The following ASTN2 variants were observed in gnomAD, a reference collection of about 807,000 sequenced individuals.
ASTN2 encodes the protein astrotactin-2.
In ASTN2, 54 loss-of-function variants were observed where a neutral mutation model predicts 139.8. The observed-to-expected ratio is 0.39, with a 90% CI of 0.31 to 0.48. The LOEUF (loss-of-function observed/expected upper bound fraction) is 0.48. Among genes scored for constraint, ASTN2 ranks in the 20% least tolerant of loss-of-function variants. The pLI is 0.95. For synonymous variants in ASTN2, 756 were observed against 719.5 expected (o/e 1.05, Z -0.81); for missense variants, 1,565 against 1,725.1 (o/e 0.91, Z 1.64).
chr9:116,953,814 G>A (rs1490993499), intron 10 of ASTN2, among the ~76,000 whole-genome samples: 1 of 152,170 alleles, frequency 6.6e-6, no homozygotes, highest in African/African-American at 2.4e-5. Context: ...GAGCAGATAA[G>A]AGACTTGTCC....
chr9:116,595,593 G>A lies in ASTN2; in HGVS notation c.3355+22731C>T, dbSNP rs542707695. 3.3e-5 allele frequency among the ~76,000 whole-genome samples: 5 copies of A among 152,078 alleles called. No individual in the cohort carries two copies. The East Asian group carries it at 9.7e-4, about 30-fold the overall frequency. On this transcript the variant is annotated intron_variant, in intron 19 of 22. Transcript: ENST00000313400. ...GCCCACCTCAACCTCCCAAAGTGCT[G>A]GGATTATAGGCGTGAGCCACCGCGC...
At chr9:117,296,747 C>A (rs1350649257) in intron 1 of ASTN2, among the ~76,000 whole-genome samples, 1 of 152,172 alleles carries the variant, frequency 6.6e-6, no homozygotes, top group Non-Finnish European at 1.5e-5. Context: ...CCAGTGCCTG[C>A]CTCCCTCCCA....
At chr9:116,481,348 C>G (rs1346512401) in intron 20 of ASTN2, among the ~76,000 whole-genome samples, 1 of 152,082 alleles carries the variant, frequency 6.6e-6, no homozygotes, top group Non-Finnish European at 1.5e-5. Flanking sequence ...CCACTGCCCT[C>G]CAGAACCTCA....
At position 116,442,539 on chromosome 9, in the gene ASTN2, G is replaced by A; in HGVS notation, c.3512C>T (p.Ala1171Val). The A allele has an allele frequency of 2.5e-6, 4 of 1,614,150 alleles. No individual in the cohort carries two copies. The highest frequency in any genetic ancestry group is 3.4e-6 in the Non-Finnish European group (4 of 1,180,010). ...TGAGTGCCTCCCTCGTGTATCCACA[G>A]CATACAGAGTGAACCTGCAGCACAG... ...PDGLYKFTLYAVDTRGRHSEL... is the reference protein window; with the variant it reads ...PDGLYKFTLYVVDTRGRHSEL... Residue 1171 changes from alanine (A) to valine (V), a missense_variant, in exon 21 of 23, where the codon GCT becomes GTT. By Grantham distance (64) the Ala-to-Val change is moderately conservative (BLOSUM62 0). Transcript: ENST00000313400.
chr9:116,914,459 CTGAG>C (rs1195806630), intron 10 of ASTN2, among the ~76,000 whole-genome samples: 7 of 151,930 alleles, frequency 4.6e-5, no homozygotes, highest in Admixed American at 4.6e-4. Context: ...TCCTTGTTGA[CTGAG>C]TAATAATAAT....
At chr9:117,050,759 T>C (rs1408422194) in intron 5 of ASTN2, among the ~76,000 whole-genome samples, 1 of 152,116 alleles carries the variant, frequency 6.6e-6, no homozygotes, top group Non-Finnish European at 1.5e-5. Flanking sequence ...GGGGGCATTT[T>C]CACATCTCTG....
intron 19 of ASTN2, among the ~76,000 whole-genome samples, chr9:116,545,137 T>A (rs948573208): frequency 3.9e-5 from 6 of 152,188 alleles, no homozygotes; most frequent in African/African-American, 1.4e-4. Context: ...TGCCCAGATG[T>A]GCCAATGCAG....
intron 13 of ASTN2, among the ~76,000 whole-genome samples, chr9:116,795,837 C>T (rs895850303): frequency 6.6e-6 from 1 of 152,162 alleles, no homozygotes; most frequent in Non-Finnish European, 1.5e-5. Flanking sequence ...TAAATCCTTG[C>T]CAAAGCTCTT....
chr9:116,622,108 T>C (rs980451497), intron 17 of ASTN2, among the ~76,000 whole-genome samples: 2 of 152,228 alleles, frequency 1.3e-5, no homozygotes, highest in Non-Finnish European at 2.9e-5. Context: ...TAAGGGCACA[T>C]GATTACCAAG....
chr9:116,622,308 C>A (rs1239096789), intron 17 of ASTN2, among the ~76,000 whole-genome samples: 2 of 152,124 alleles, frequency 1.3e-5, no homozygotes, highest in Non-Finnish European at 2.9e-5. Flanking sequence ...ATTATTCCTG[C>A]CACATGTTCT....
intron 1 of ASTN2, among the ~76,000 whole-genome samples, chr9:117,357,969 C>A (rs1490904126): frequency 6.6e-6 from 1 of 151,972 alleles, no homozygotes; most frequent in African/African-American, 2.4e-5. Flanking sequence ...CTTTTTTGGT[C>A]TTAGTTTTCA....
At chr9:117,388,261 C>A (rs972805854) in intron 1 of ASTN2, among the ~76,000 whole-genome samples, 2 of 152,212 alleles carry the variant, frequency 1.3e-5, no homozygotes, top group Non-Finnish European at 2.9e-5. Flanking sequence ...CTAGACCCAC[C>A]TTTCAAAATC....
rs549346631 is a variant in ASTN2, at chr9:116,488,932, C to T, written c.3356-1432G>A. The stretch of plus-strand genomic sequence containing the variant: ...CAGACTAAATGGCCTCTAAGTTCCC[C>T]TCTAATTCTAAAATTGGATGATCTA... On this transcript the variant is annotated intron_variant, in intron 19 of 22. Transcript: ENST00000313400. 2.6e-5 allele frequency among the ~76,000 whole-genome samples: 4 copies of T among 152,262 alleles called. No homozygotes were observed. In the East Asian group the frequency reaches 7.7e-4, roughly 29 times the overall value.
chr9:117,357,176 T>C (rs762793785), intron 1 of ASTN2, among the ~76,000 whole-genome samples: 19 of 152,214 alleles, frequency 1.2e-4, no homozygotes, highest in Non-Finnish European at 2.4e-4. Context: ...AGAAATGTTT[T>C]AATTTTTCTT....
At chr9:117,373,800 G>A (rs1830049750) in intron 1 of ASTN2, among the ~76,000 whole-genome samples, 1 of 152,180 alleles carries the variant, frequency 6.6e-6, no homozygotes, top group Non-Finnish European at 1.5e-5. Context: ...TCTCACAGAA[G>A]TATCTACGAC....
chr9:116,906,078 C>A (rs546099803), intron 10 of ASTN2, among the ~76,000 whole-genome samples: 88 of 152,214 alleles, frequency 5.8e-4, no homozygotes, highest in African/African-American at 2.0e-3. Flanking sequence ...AGAGGAGAGA[C>A]CTCCTGTGCC....
chr9:117,362,370 G>GA (rs34700881), intron 1 of ASTN2, among the ~76,000 whole-genome samples: 30,094 of 152,004 alleles, frequency 0.2, 3,680 homozygotes, highest in East Asian at 0.41. Context: ...GTTGCCCCCG[G>GA]AAAAAATCAA....
chr9:117,138,366 GAGA>G (rs1035326205), intron 4 of ASTN2, among the ~76,000 whole-genome samples: 2 of 152,172 alleles, frequency 1.3e-5, no homozygotes, highest in African/African-American at 4.8e-5. Context: ...GCATGGCAAG[GAGA>G]AGGAGGAACA....
chr9:117,267,504 T>C (rs1467702321), intron 2 of ASTN2, among the ~76,000 whole-genome samples: 1 of 152,224 alleles, frequency 6.6e-6, no homozygotes, highest in Non-Finnish European at 1.5e-5. Context: ...ACATATACTA[T>C]GTTTATGAAA....
Sources: allele counts gnomAD v4.1 joint callset (sites outside exome capture counted in the v4.1 genomes callset), GRCh38; gene constraint gnomAD v4.1.1; transcripts MANE v1.5; gene names NCBI Gene and HGNC (gene_info 2026-07-23, HGNC 2026-07-21).